The following FAM227B variants were observed in gnomAD, a reference collection of about 807,000 sequenced individuals.
FAM227B encodes the protein protein FAM227B.
Under a neutral mutation model 73.8 loss-of-function variants are expected in FAM227B, and 88 were observed. That is an observed-to-expected ratio of 1.19 (90% CI 1.00 to 1.42). The LOEUF (loss-of-function observed/expected upper bound fraction) is 1.42, where lower values mean the gene tolerates loss of function less well. Among genes scored for constraint, FAM227B ranks in the 40% most tolerant of loss-of-function variants. FAM227B has a pLI of 0.00. For missense variants in FAM227B, 632 were observed against 590.9 expected (o/e 1.07, Z -0.72); for synonymous variants, 210 against 190.5 (o/e 1.10, Z -0.84).
chr15:49,500,540 T>TA (rs1467756335), intron 11 of FAM227B, among the ~76,000 whole-genome samples: 2 of 152,190 alleles, frequency 1.3e-5, no homozygotes, highest in Non-Finnish European at 2.9e-5. Flanking sequence ...GAAATTAAAA[T>TA]AAAACCTAGC....
intron 13 of FAM227B, among the ~76,000 whole-genome samples, chr15:49,366,960 T>C (rs1754550609): frequency 6.6e-6 from 1 of 152,212 alleles, no homozygotes; most frequent in African/African-American, 2.4e-5. Context: ...TACCCCTGCT[T>C]CAACCAAAGA....
chr15:49,525,793 T>TAA lies in FAM227B; in HGVS notation c.874+15885_874+15886dup, dbSNP rs35196009. Among the ~76,000 whole-genome samples, 67 of 132,992 alleles carry TAA rather than the reference T, an allele frequency of 5.0e-4. 2 individuals carry two copies. The highest frequency in any genetic ancestry group is 1.3e-3 in the African/African-American group (45 of 34,652). 87.2% of individuals were successfully genotyped at this position (132,992 alleles called of 152,430 possible). A position where few individuals can be genotyped will look rare whatever the true frequency, so the allele number is the denominator to read the frequency against. ...AAAGCAGACTTTAAAACAACAATGG[T>TAA]AAAAAAAAAGACAAAGAAGGATATC... On this transcript the variant is annotated intron_variant, in intron 10 of 15. Transcript: ENST00000299338.
chr15:49,482,133 G>T (rs1163186192), intron 11 of FAM227B, among the ~76,000 whole-genome samples: 1 of 152,080 alleles, frequency 6.6e-6, no homozygotes, highest in East Asian at 1.9e-4. Context: ...ATAGGTAAAA[G>T]AATGTCTCAG....
chr15:49,359,730 C>A (rs2043840184), intron 13 of FAM227B, among the ~76,000 whole-genome samples: 2 of 138,030 alleles, frequency 1.4e-5, no homozygotes, highest in African/African-American at 5.5e-5. Flanking sequence ...CCAGCCATCC[C>A]ATTACTGGGT....
chr15:49,462,319 G>T (rs1040383354), intron 11 of FAM227B, among the ~76,000 whole-genome samples: 4 of 152,018 alleles, frequency 2.6e-5, no homozygotes, highest in African/African-American at 9.7e-5. Flanking sequence ...CATGTATTTT[G>T]CAAGATAAAT....
chr15:49,472,846 A>C (rs1186298986), intron 11 of FAM227B, among the ~76,000 whole-genome samples: 2 of 152,254 alleles, frequency 1.3e-5, no homozygotes, highest in Non-Finnish European at 2.9e-5. Context: ...ATGACATTAC[A>C]GATGAAGACA....
intron 14 of FAM227B, among the ~76,000 whole-genome samples, chr15:49,333,838 A>G (rs979289134): frequency 2.0e-5 from 3 of 152,222 alleles, no homozygotes; most frequent in Admixed American, 6.5e-5. Flanking sequence ...AATTTATAAA[A>G]TAAATGAGCC....
chr15:49,406,209 T>A (rs2048498860), intron 11 of FAM227B, among the ~76,000 whole-genome samples: 1 of 152,152 alleles, frequency 6.6e-6, no homozygotes, highest in African/African-American at 2.4e-5. Flanking sequence ...GACAGCAGGA[T>A]CCATTTTTGT....
At chr15:49,329,196 T>G in intron 15 of FAM227B, 1 of 986,774 alleles carries the variant, frequency 1.0e-6, no homozygotes, top group Non-Finnish European at 1.2e-6. Context: ...AAAGACTTAA[T>G]GAATTCTGGG....
At chr15:49,396,165 G>A (rs1002803306) in intron 11 of FAM227B, 9 of 353,712 alleles carry the variant, frequency 2.5e-5, no homozygotes, top group East Asian at 2.5e-4. Flanking sequence ...GAAGCAGGGC[G>A]AGGCATTGCC....
At chr15:49,443,601 C>T (rs1298125021) in intron 11 of FAM227B, among the ~76,000 whole-genome samples, 1 of 151,664 alleles carries the variant, frequency 6.6e-6, no homozygotes, top group Non-Finnish European at 1.5e-5. Context: ...TTTCTAGTAT[C>T]TCTAAAAACT....
At chr15:49,439,508 T>C (rs987771686) in intron 11 of FAM227B, among the ~76,000 whole-genome samples, 2 of 151,796 alleles carry the variant, frequency 1.3e-5, no homozygotes, top group African/African-American at 4.8e-5. Flanking sequence ...ACGGACTAAC[T>C]ACCATGCATG....
At chr15:49,393,493 C>T (rs886376546) in intron 11 of FAM227B, among the ~76,000 whole-genome samples, 1 of 152,108 alleles carries the variant, frequency 6.6e-6, no homozygotes, top group Non-Finnish European at 1.5e-5. Flanking sequence ...TATAGGCTCT[C>T]AAATTTTTTC....
At chr15:49,506,715 G>T (rs973696081) in intron 11 of FAM227B, among the ~76,000 whole-genome samples, 2 of 151,678 alleles carry the variant, frequency 1.3e-5, no homozygotes, top group Non-Finnish European at 2.9e-5. Flanking sequence ...ACCTACTAAT[G>T]GGTCAAAGTA....
In FAM227B at chr15:49,473,077, T is replaced by C. The variant is rs546448779; in HGVS notation, c.1012+35134A>G. The stretch of plus-strand genomic sequence containing the variant: ...TGGGGGATTAATTTAACTAAAGGCA[T>C]ACTGTAATCTTTTTTCAACTGAATA... On this transcript the variant is annotated intron_variant, in intron 11 of 15. Transcript: ENST00000299338. 1.3e-5 allele frequency among the ~76,000 whole-genome samples: 2 copies of C among 152,292 alleles called. 1 individual carries two copies. The highest frequency in any genetic ancestry group is 4.1e-4 in the South Asian group (2 of 4,826).
In FAM227B at chr15:49,495,484, AC is replaced by A. The variant is rs571865112; in HGVS notation, c.1012+12726del. The stretch of plus-strand genomic sequence containing the variant: ...ATACAACTAACAACAATATGACTTA[AC>A]AAATTGCTACCACTTTGGGAGTTTG... On this transcript the variant is annotated intron_variant, in intron 11 of 15. Coordinates refer to ENST00000299338, the MANE Select transcript of FAM227B (RefSeq NM_152647.3). 2.1e-4 allele frequency among the ~76,000 whole-genome samples: 32 copies of A among 152,284 alleles called. No individual in the cohort carries two copies. The South Asian group carries it at 6.0e-3, about 29-fold the overall frequency.
At chr15:49,597,344 G>T (rs977717682) in intron 3 of FAM227B, among the ~76,000 whole-genome samples, 1 of 151,924 alleles carries the variant, frequency 6.6e-6, no homozygotes, top group African/African-American at 2.4e-5. Flanking sequence ...CAAATACCTG[G>T]AAATAAAATA....
intron 3 of FAM227B, 39 bp downstream of exon 3, chr15:49,611,176 A>C (rs368978327): frequency 8.2e-7 from 1 of 1,223,270 alleles, no homozygotes; most frequent in African/African-American, 1.5e-5. Flanking sequence ...GATATTTTAA[A>C]ATGATGTAAT....
intron 15 of FAM227B, 150 bp downstream of exon 15, chr15:49,331,630 G>A (rs2038770424): frequency 1.7e-6 from 1 of 586,904 alleles, no homozygotes; most frequent in Non-Finnish European, 3.0e-6. Flanking sequence ...TTTCTTACAT[G>A]TGCATGTAGA....
Sources: allele counts gnomAD v4.1 joint callset (sites outside exome capture counted in the v4.1 genomes callset), GRCh38; gene constraint gnomAD v4.1.1; transcripts MANE v1.5; gene names NCBI Gene and HGNC (gene_info 2026-07-23, HGNC 2026-07-21).